Variants in CCDC73 observed in about 807,000 individuals in gnomAD.
CCDC73 encodes the protein coiled-coil domain-containing protein 73.
A neutral mutation model predicts 116.5 loss-of-function variants in CCDC73; 95 were observed. That is an observed-to-expected ratio of 0.82 (90% CI 0.69 to 0.97). The LOEUF is 0.97. Among genes scored for constraint, CCDC73 ranks in the 50% least tolerant of loss-of-function variants. The probability of loss-of-function intolerance (pLI) is 0.00; values close to 1 mark genes in which losing one functional copy is unlikely to be tolerated. For synonymous variants in CCDC73, 398 were observed against 401.3 expected (o/e 0.99, Z 0.10); for missense variants, 1,066 against 1,206.8 (o/e 0.88, Z 1.73).
rs753675981 is a variant in CCDC73 at position 32,613,554 on chromosome 11, T to C, written c.2764A>G (p.Ser922Gly). ...KVNHIESQTA[S>G]SSTPCISLLL... ...AAAGAAATGCAAGGGGTCGAACTGC[T>C]CGCTGTTTGACTTTCAATGTGATTT... Residue 922 changes from serine (S) to glycine (G), a missense_variant, in exon 16 of 18, where the codon AGC becomes GGC. Transcript: ENST00000335185. 5 of 1,614,146 alleles carry C rather than the reference T, an allele frequency of 3.1e-6. No homozygotes were observed. In the South Asian group the frequency reaches 4.4e-5, roughly 14 times the overall value.
chr11:32,830,118 G>A, the CCDC73 span: 2 of 995,304 alleles, frequency 2.0e-6, no homozygotes, highest in Non-Finnish European at 2.4e-6. Flanking sequence ...CGAAGGAACC[G>A]CCCCAAGAAG....
chr11:32,779,484 A>C (rs1850564029), intron 1 of CCDC73, among the ~76,000 whole-genome samples: 1 of 152,210 alleles, frequency 6.6e-6, no homozygotes, highest in Non-Finnish European at 1.5e-5. Flanking sequence ...ATGTTTGCCT[A>C]TGCTACCTCA....
chr11:32,731,020 C>A (rs547984474), intron 2 of CCDC73, among the ~76,000 whole-genome samples: 17 of 152,040 alleles, frequency 1.1e-4, no homozygotes, highest in South Asian at 4.1e-4. Context: ...ATTCCCCTTC[C>A]TAGCCAAGGG....
At chr11:32,674,221 A>C (rs1353427858) in intron 9 of CCDC73, among the ~76,000 whole-genome samples, 1 of 152,240 alleles carries the variant, frequency 6.6e-6, no homozygotes, top group African/African-American at 2.4e-5. Context: ...AATGGTACTC[A>C]GTAAATATTG....
chr11:32,753,349 G>A (rs535502310), intron 2 of CCDC73, among the ~76,000 whole-genome samples: 3 of 146,860 alleles, frequency 2.0e-5, no homozygotes, highest in African/African-American at 7.6e-5. Context: ...CCAGGCTGCA[G>A]TGCAGTGACA....
rs1488802997 is a variant in CCDC73 at position 32,654,831 on chromosome 11, T to C, written c.774+13A>G. On this transcript the variant is annotated intron_variant, in intron 10 of 17. Transcript: ENST00000335185. Reference sequence around the variant, plus strand: ...AATATTAATGTTATAAACAAATACATTTAATAAAATACCATGTTGAGTCTT... The same window carrying C: ...AATATTAATGTTATAAACAAATACACTTAATAAAATACCATGTTGAGTCTT... 1.4e-6 allele frequency: 2 copies of C among 1,428,476 alleles called. No individual in the cohort carries two copies. The allele number at this position is 1,428,476 out of a possible 1,614,324, so 88.5% of individuals were successfully genotyped here. A position where few individuals can be genotyped will look rare whatever the true frequency, so the allele number is the denominator to read the frequency against.
intron 14 of CCDC73, among the ~76,000 whole-genome samples, chr11:32,625,531 A>G (rs1388025952): frequency 1.3e-5 from 2 of 152,034 alleles, no homozygotes; most frequent in Non-Finnish European, 2.9e-5. Context: ...TTTCTCCTTC[A>G]CTTATGAAGC....
At position 32,614,042 on chromosome 11, in the gene CCDC73, T is replaced by A. The variant is rs762315078; in HGVS notation, c.2276A>T (p.Gln759Leu). ...CKNMSDMQNS[Q>L]FNNCLGYLEN... is the part of the protein sequence containing the mutation. Reference sequence around the variant, plus strand: ...TAAGTATCCCAAACAGTTATTAAATTGACTGTTTTGCATATCACTCATATT... The same window carrying A: ...TAAGTATCCCAAACAGTTATTAAATAGACTGTTTTGCATATCACTCATATT... The change falls in exon 16 of 18, where the codon CAA becomes CTA. Residue 759 changes from glutamine to leucine, a missense_variant. Coordinates refer to ENST00000335185, the MANE Select transcript of CCDC73 (RefSeq NM_001008391.4). 6.2e-7 allele frequency: 1 copy of A among 1,612,716 alleles called. No homozygotes were observed. The highest frequency in any genetic ancestry group is 1.7e-5 in the Admixed American group (1 of 60,030).
At chr11:32,830,140 C>T in the CCDC73 span, 3 of 1,005,462 alleles carry the variant, frequency 3.0e-6, no homozygotes, top group African/African-American at 3.4e-5. Context: ...GCCTCTGGCC[C>T]GGGGGCTGCT....
At chr11:32,742,680 T>C (rs780752108) in intron 2 of CCDC73, among the ~76,000 whole-genome samples, 11 of 152,356 alleles carry the variant, frequency 7.2e-5, no homozygotes, top group African/African-American at 2.2e-4. Context: ...TTTGTCAATG[T>C]TGGCTTTTGT....
intron 2 of CCDC73, among the ~76,000 whole-genome samples, chr11:32,738,313 T>G (rs1850153957): frequency 6.6e-6 from 1 of 152,158 alleles, no homozygotes; most frequent in South Asian, 2.1e-4. Context: ...AATTTACATT[T>G]CCACCAACAG....
chr11:32,699,411 G>C (rs1590601320), intron 5 of CCDC73, 86 bp from the exon 6 acceptor site: 1 of 1,274,548 alleles, frequency 7.8e-7, no homozygotes, highest in Admixed American at 3.7e-5. Flanking sequence ...AACCCTTTAA[G>C]TAAAAAACTG....
chr11:32,671,812 C>A (rs567240912), intron 9 of CCDC73, among the ~76,000 whole-genome samples: 1 of 152,266 alleles, frequency 6.6e-6, no homozygotes, highest in South Asian at 2.1e-4. Flanking sequence ...TGAACACTGA[C>A]ACTAATAGTT....
chr11:32,820,540 C>T, the CCDC73 span, among the ~76,000 whole-genome samples: 1 of 152,250 alleles, frequency 6.6e-6, no homozygotes, highest in East Asian at 1.9e-4. Flanking sequence ...GAGAATTACT[C>T]ATGAGATATC....
intron 6 of CCDC73, among the ~76,000 whole-genome samples, chr11:32,697,546 T>C (rs1849763387): frequency 6.8e-6 from 1 of 146,234 alleles, no homozygotes; most frequent in Admixed American, 7.2e-5. Context: ...TACAGTGACG[T>C]AATCTCCGCT....
At chr11:32,609,072 C>G (rs1428230574) in intron 17 of CCDC73, among the ~76,000 whole-genome samples, 1 of 152,178 alleles carries the variant, frequency 6.6e-6, no homozygotes, top group Non-Finnish European at 1.5e-5. Context: ...CTGACTTGCC[C>G]TGGAGACATT....
At chr11:32,740,431 T>C (rs1850173236) in intron 2 of CCDC73, among the ~76,000 whole-genome samples, 1 of 152,074 alleles carries the variant, frequency 6.6e-6, no homozygotes, top group African/African-American at 2.4e-5. Context: ...GTAGGTTATA[T>C]GTGTCTAGAA....
chr11:32,677,071 C>T (rs1188879754), intron 7 of CCDC73, among the ~76,000 whole-genome samples: 2 of 152,160 alleles, frequency 1.3e-5, no homozygotes, highest in African/African-American at 4.8e-5. Flanking sequence ...GGTTTCACAA[C>T]TTTCATTCAT....
chr11:32,650,295 CCTAATTTTGTCA>C (rs1855815335), intron 12 of CCDC73, among the ~76,000 whole-genome samples: 2 of 152,104 alleles, frequency 1.3e-5, no homozygotes, highest in Non-Finnish European at 2.9e-5. Context: ...CAGATTTAAT[CCTAATTTTGTCA>C]CTAATTTTGA....
Sources: gnomAD v4.1 joint callset for allele counts (sites outside exome capture counted in the v4.1 genomes callset) on GRCh38, gnomAD v4.1.1 for gene constraint, MANE v1.5 for transcripts, NCBI Gene and HGNC (gene_info 2026-07-23, HGNC 2026-07-21) for gene names.